The following AUTS2 variants were observed in gnomAD, a reference collection of about 807,000 sequenced individuals.
AUTS2 encodes the protein autism susceptibility gene 2 protein.
In AUTS2, 17 loss-of-function variants were observed where a neutral mutation model predicts 112.4. That is an observed-to-expected ratio of 0.15 (90% confidence interval 0.10 to 0.23). The LOEUF is 0.23. AUTS2 is among the 10% of genes least tolerant of loss of function. AUTS2 has a pLI of 1.00. For missense variants in AUTS2, 1,510 were observed against 1,701.6 expected, an observed-to-expected ratio of 0.89 and a Z score of 1.98; for synonymous variants, 751 against 702.7, an observed-to-expected ratio of 1.07 and a Z score of -1.09.
At chr7:70,570,322 T>C (rs112451668) in intron 5 of AUTS2, among the ~76,000 whole-genome samples, 19 of 152,322 alleles carry the variant, frequency 1.2e-4, no homozygotes, top group African/African-American at 3.8e-4. Flanking sequence ...TCCCCCAGCA[T>C]CTTGTCTGTA....
intron 5 of AUTS2, among the ~76,000 whole-genome samples, chr7:70,632,022 C>A (rs1307547873): frequency 6.6e-6 from 1 of 151,726 alleles, no homozygotes; most frequent in Non-Finnish European, 1.5e-5. Context: ...ATGGTTATTA[C>A]AAGTGATAAG....
At chr7:70,087,438 C>T (rs536717492) in intron 2 of AUTS2, among the ~76,000 whole-genome samples, 71 of 149,924 alleles carry the variant, frequency 4.7e-4, no homozygotes, top group African/African-American at 1.6e-3. Context: ...GGCGTGATCT[C>T]GGCTCACTGC....
intron 1 of AUTS2, among the ~76,000 whole-genome samples, chr7:69,879,120 C>CTGTGTGTGTG (rs5884770): frequency 1.9e-4 from 28 of 147,818 alleles, no homozygotes; most frequent in African/African-American, 5.7e-4. Flanking sequence ...TTGAGACTTT[C>CTGTGTGTGTG]TGTGTGTGTG....
At chr7:70,205,253 G>T (rs1223755910) in intron 4 of AUTS2, among the ~76,000 whole-genome samples, 1 of 151,906 alleles carries the variant, frequency 6.6e-6, no homozygotes, top group Admixed American at 6.6e-5. Flanking sequence ...TCACTGTATT[G>T]CCCAGGCTGG....
At chr7:70,021,419 G>T (rs930109642) in intron 2 of AUTS2, among the ~76,000 whole-genome samples, 1 of 152,194 alleles carries the variant, frequency 6.6e-6, no homozygotes, top group South Asian at 2.1e-4. Context: ...TGTGAAGCTG[G>T]ATGGGAGGGA....
At chr7:69,740,549 G>T (rs1326758391) in intron 1 of AUTS2, among the ~76,000 whole-genome samples, 1 of 151,416 alleles carries the variant, frequency 6.6e-6, no homozygotes, top group African/African-American at 2.4e-5. Flanking sequence ...TTGAGATGGA[G>T]GTTTGCTCTT....
intron 4 of AUTS2, among the ~76,000 whole-genome samples, chr7:70,208,875 G>A (rs909370204): frequency 1.3e-5 from 2 of 151,968 alleles, no homozygotes; most frequent in African/African-American, 4.8e-5. Context: ...GCTGGAATTT[G>A]GTGTTCAAAG....
At chr7:70,492,039 A>C (rs3113281) in intron 5 of AUTS2, among the ~76,000 whole-genome samples, 1 of 151,896 alleles carries the variant, frequency 6.6e-6, no homozygotes. Flanking sequence ...TGTGTTCCTC[A>C]GGCTGACCAC....
intron 1 of AUTS2, among the ~76,000 whole-genome samples, chr7:69,872,417 A>G (rs1250889787): frequency 2.6e-5 from 4 of 152,206 alleles, no homozygotes; most frequent in African/African-American, 4.8e-5. Flanking sequence ...TGTCCTTAAT[A>G]TATCAGTGTC....
intron 2 of AUTS2, among the ~76,000 whole-genome samples, chr7:69,916,603 C>T (rs1301888783): frequency 2.0e-5 from 3 of 152,100 alleles, no homozygotes; most frequent in Non-Finnish European, 4.4e-5. Flanking sequence ...TCTTCCTCCT[C>T]AATTTCCTTC....
chr7:70,203,738 T>A (rs2129585652), intron 4 of AUTS2, among the ~76,000 whole-genome samples: 1 of 147,298 alleles, frequency 6.8e-6, no homozygotes, highest in East Asian at 2.0e-4. Flanking sequence ...ATGATTGATA[T>A]TTGAATATAG....
chr7:70,494,003 G>A (rs1223083212), intron 5 of AUTS2, among the ~76,000 whole-genome samples: 3 of 152,148 alleles, frequency 2.0e-5, no homozygotes, highest in East Asian at 1.9e-4. Context: ...AAAATAGTAA[G>A]GATTTATGTT....
intron 1 of AUTS2, among the ~76,000 whole-genome samples, chr7:69,789,816 G>A (rs922383412): frequency 6.6e-6 from 1 of 152,080 alleles, no homozygotes; most frequent in African/African-American, 2.4e-5. Context: ...AGATGTTTAT[G>A]TATTCTCTAG....
intron 1 of AUTS2, among the ~76,000 whole-genome samples, chr7:69,845,014 G>A (rs1792134656): frequency 6.6e-6 from 1 of 152,178 alleles, no homozygotes; most frequent in South Asian, 2.1e-4. Flanking sequence ...ATCTAACAAA[G>A]TATGGTGGCA....
At chr7:70,003,326 A>T (rs1378103270) in intron 2 of AUTS2, among the ~76,000 whole-genome samples, 88 of 130,262 alleles carry the variant, frequency 6.8e-4, no homozygotes, top group Admixed American at 4.4e-3. Context: ...TATATAACAT[A>T]TGAATATATA....
Position 70,692,519 on chromosome 7 carries a change from T to C in AUTS2, c.691-6050T>C, listed in dbSNP as rs189395050. Among the ~76,000 whole-genome samples the C allele has an allele frequency of 2.6e-4, 39 of 152,366 alleles. No homozygotes were observed. In the East Asian group the frequency reaches 7.1e-3, roughly 28 times the overall value. On this transcript the variant is annotated intron_variant, in intron 5 of 18. Transcript: ENST00000342771. ...GACCACAGCTGGGTATTGTGACATC[T>C]TGTAAGCAACTGGAAAATCCATCTC...
In AUTS2 at chr7:69,901,500, G is replaced by A. The variant is rs541417541; in HGVS notation, c.522+2002G>A. On this transcript the variant is annotated intron_variant, in intron 2 of 18. Coordinates refer to ENST00000342771, the MANE Select transcript of AUTS2 (RefSeq NM_015570.4). ...TATGATCGGAAAAGAAGACTAAGAC[G>A]TAACACATCTTAAATTTGAGTAGCT... is the stretch of plus-strand genomic sequence containing the variant. Among the ~76,000 whole-genome samples the A allele has an allele frequency of 7.9e-5, 12 of 152,310 alleles. No individual in the cohort carries two copies. The South Asian group carries it at 1.7e-3, about 21-fold the overall frequency.
chr7:69,770,800 T>A (rs956082915), intron 1 of AUTS2, among the ~76,000 whole-genome samples: 1 of 152,106 alleles, frequency 6.6e-6, no homozygotes, highest in Non-Finnish European at 1.5e-5. Flanking sequence ...CTTGCTTTTT[T>A]TCCCCCCTCA....
intron 4 of AUTS2, among the ~76,000 whole-genome samples, chr7:70,143,400 T>C (rs1019495614): frequency 5.3e-5 from 8 of 152,226 alleles, no homozygotes; most frequent in African/African-American, 1.7e-4. Flanking sequence ...TGTTTAGATA[T>C]AGCACAGTTG....
Sources: allele counts gnomAD v4.1 joint callset (sites outside exome capture counted in the v4.1 genomes callset), GRCh38; gene constraint gnomAD v4.1.1; transcripts MANE v1.5; gene names NCBI Gene and HGNC (gene_info 2026-07-23, HGNC 2026-07-21).